KCNK17: variants seen among roughly 807,000 people sequenced by gnomAD.
KCNK17 encodes the protein potassium two pore domain channel subfamily K member 17, also known as potassium channel subfamily K member 17.
In KCNK17, 27 loss-of-function variants were observed where a neutral mutation model predicts 24.6. The observed-to-expected ratio is 1.10, with a 90% CI of 0.81 to 1.51. The LOEUF (loss-of-function observed/expected upper bound fraction) is 1.51. Ranked by LOEUF, KCNK17 falls within the 40% of genes most tolerant of loss-of-function variation. KCNK17 has a pLI of 0.00. For missense variants in KCNK17, 450 were observed against 436.6 expected (o/e 1.03, Z -0.27); for synonymous variants, 181 against 189.8 (o/e 0.95, Z 0.38).
intron 4 of KCNK17, chr6:39,300,542 G>A: frequency 6.5e-7 from 1 of 1,550,192 alleles, no homozygotes; most frequent in Non-Finnish European, 8.7e-7. Flanking sequence ...AGGGGATTTG[G>A]GATGAACAAT....
intron 1 of KCNK17, 56 bp downstream of exon 1, chr6:39,314,028 C>T: frequency 7.2e-7 from 1 of 1,382,122 alleles, no homozygotes; most frequent in Non-Finnish European, 9.7e-7. Flanking sequence ...GCCCGTACAC[C>T]CCGCGGCCCG....
intron 2 of KCNK17, among the ~76,000 whole-genome samples, chr6:39,306,885 C>T (rs1438574609): frequency 6.6e-6 from 1 of 151,850 alleles, no homozygotes; most frequent in Non-Finnish European, 1.5e-5. Context: ...CTGCCTCAGC[C>T]TCCCGAGTAG....
intron 4 of KCNK17, among the ~76,000 whole-genome samples, chr6:39,301,881 A>G (rs2113834465): frequency 6.6e-6 from 1 of 152,322 alleles, no homozygotes; most frequent in Admixed American, 6.5e-5. Flanking sequence ...CATCCAAGAA[A>G]GGGGTTGTCC....
chr6:39,307,104 CTCTT>C (rs1253873720), intron 2 of KCNK17, among the ~76,000 whole-genome samples: 9 of 152,212 alleles, frequency 5.9e-5, no homozygotes, highest in East Asian at 3.9e-4. Context: ...TCCTCTCTCT[CTCTT>C]TCTTTTGGCT....
At position 39,313,936 on chromosome 6, in the gene KCNK17, C is replaced by T. The variant is rs929642327; in HGVS notation, c.237+148G>A. 26 of 603,064 alleles carry T rather than the reference C, an allele frequency of 4.3e-5. No individual in the cohort carries two copies. The African/African-American group carries it at 4.3e-4, about 10-fold the overall frequency. 37.4% of individuals were successfully genotyped at this position (603,064 alleles called of 1,614,324 possible). A position where few individuals can be genotyped will look rare whatever the true frequency, so the allele number is the denominator to read the frequency against. The stretch of plus-strand genomic sequence containing the variant: ...GTCCCCGCGCAGGAACGCCCACCCC[C>T]GTTGTGCCCGCGTCTGCGTTCCCGA... On this transcript the variant is annotated intron_variant, in intron 1 of 4. Transcript: ENST00000373231.
chr6:39,311,137 C>G (rs1762131981), intron 1 of KCNK17, 130 bp from the exon 2 acceptor site: 1 of 588,872 alleles, frequency 1.7e-6, no homozygotes, highest in African/African-American at 1.9e-5. Context: ...CCTACACACA[C>G]AGCCCTCACA....
intron 1 of KCNK17, among the ~76,000 whole-genome samples, chr6:39,312,609 A>AT (rs1253828661): frequency 6.6e-6 from 1 of 152,240 alleles, no homozygotes; most frequent in Non-Finnish European, 1.5e-5. Context: ...AAACAGGATG[A>AT]TAAAAACAGT....
rs1305800975 is a variant in KCNK17 at position 39,314,388 on chromosome 6, C to G, written c.-68G>C. On this transcript the variant is annotated 5_prime_UTR_variant, in exon 1 of 5. Coordinates refer to ENST00000373231, the MANE Select transcript of KCNK17 (RefSeq NM_031460.4). ...GACCCGGTGGGAGGGAAGGGCCAGG[C>G]GTCCAGCTCGTATCTCCTCTCGCAA... The G allele has an allele frequency of 1.7e-6, 2 of 1,145,074 alleles. No homozygotes were observed. Among genetic ancestry groups the G allele is most frequent in the South Asian group, 1.8e-5 (1 of 55,438 alleles). The allele number at this position is 1,145,074 out of a possible 1,614,324, so 70.9% of individuals were successfully genotyped here. A position where few individuals can be genotyped will look rare whatever the true frequency, so the allele number is the denominator to read the frequency against.
In KCNK17 at chr6:39,311,863, G is replaced by C. The variant is rs192807798; in HGVS notation, c.238-856C>G. On this transcript the variant is annotated intron_variant, in intron 1 of 4. Coordinates refer to ENST00000373231, the MANE Select transcript of KCNK17 (RefSeq NM_031460.4). ...GTGAGACTGCCTGGGACCTAGATTA[G>C]GGAGACTGGTAAGAAGTGATTGAGG... Among the ~76,000 whole-genome samples the C allele has an allele frequency of 2.0e-4, 31 of 152,282 alleles. No individual in the cohort carries two copies. In the East Asian group the frequency reaches 5.8e-3, roughly 29 times the overall value.
chr6:39,310,244 C>T (rs182016753), intron 2 of KCNK17, among the ~76,000 whole-genome samples: 10 of 152,256 alleles, frequency 6.6e-5, no homozygotes, highest in African/African-American at 2.4e-4. Flanking sequence ...ACAGCAGCCC[C>T]TCAGCACCCT....
intron 2 of KCNK17, among the ~76,000 whole-genome samples, chr6:39,309,211 C>T (rs1018654440): frequency 6.6e-6 from 1 of 152,224 alleles, no homozygotes; most frequent in Non-Finnish European, 1.5e-5. Flanking sequence ...GTAGTCCCAG[C>T]TACTTGGGAG....
chr6:39,307,253 A>G (rs971667460), intron 2 of KCNK17, among the ~76,000 whole-genome samples: 1 of 152,198 alleles, frequency 6.6e-6, no homozygotes, highest in Non-Finnish European at 1.5e-5. Flanking sequence ...TGGTATATAC[A>G]AGGTGCTAAA....
intron 2 of KCNK17, among the ~76,000 whole-genome samples, chr6:39,308,891 T>G (rs974334601): frequency 2.0e-5 from 3 of 152,212 alleles, no homozygotes; most frequent in Non-Finnish European, 2.9e-5. Flanking sequence ...CATGTGTAAG[T>G]GCATACAGGT....
chr6:39,305,058 A>G (rs1443631312), intron 2 of KCNK17, among the ~76,000 whole-genome samples: 2 of 152,176 alleles, frequency 1.3e-5, no homozygotes, highest in Non-Finnish European at 2.9e-5. Flanking sequence ...GATCTACTGC[A>G]CCATTCAGGC....
At chr6:39,306,943 T>A (rs949912352) in intron 2 of KCNK17, among the ~76,000 whole-genome samples, 11 of 152,038 alleles carry the variant, frequency 7.2e-5, no homozygotes, top group Non-Finnish European at 2.9e-5. Flanking sequence ...TTTGCATTTT[T>A]AGTAAAGATG....
rs139007073 is a variant in KCNK17 at position 39,300,377 on chromosome 6, G to A, written c.689-640C>T. The A allele has an allele frequency of 1.3e-3, 1,302 of 1,030,438 alleles. 12 individuals carry two copies. In the African/African-American group the frequency reaches 0.018, roughly 14 times the overall value. The allele number at this position is 1,030,438 out of a possible 1,614,324, so 63.8% of individuals were successfully genotyped here. On this transcript the variant is annotated intron_variant, in intron 4 of 4. Coordinates refer to ENST00000373231, the MANE Select transcript of KCNK17 (RefSeq NM_031460.4). ...GAGCTCAGGCAATCCACCTACCTCG[G>A]CCTCCCAAAGTGTTAGAATTACAGG...
intron 2 of KCNK17, among the ~76,000 whole-genome samples, chr6:39,306,342 C>T (rs1217273182): frequency 6.6e-6 from 1 of 152,206 alleles, no homozygotes; most frequent in Non-Finnish European, 1.5e-5. Flanking sequence ...CCGCACCCGG[C>T]CTGGGACTGG....
intron 1 of KCNK17, 110 bp downstream of exon 1, chr6:39,313,974 C>G (rs1762211695): frequency 1.2e-6 from 1 of 822,844 alleles, no homozygotes; most frequent in Non-Finnish European, 1.8e-6. Flanking sequence ...TTTCCCTGAA[C>G]AGGAAACACC....
At chr6:39,304,315 C>T (rs1283859814) in intron 3 of KCNK17, 180 bp downstream of exon 3, 1 of 767,290 alleles carries the variant, frequency 1.3e-6, no homozygotes, top group African/African-American at 1.7e-5. Context: ...AGTCCCACCC[C>T]ATCTCCACCA....
Sources: allele counts gnomAD v4.1 joint callset (sites outside exome capture counted in the v4.1 genomes callset), GRCh38; gene constraint gnomAD v4.1.1; transcripts MANE v1.5; gene names NCBI Gene and HGNC (gene_info 2026-07-23, HGNC 2026-07-21).